Variants in KIAA1755 observed in about 807,000 individuals in gnomAD.
KIAA1755 encodes the protein uncharacterized protein KIAA1755.
A neutral mutation model predicts 91.7 loss-of-function variants in KIAA1755; 68 were observed. The observed-to-expected ratio is 0.74, with a 90% CI of 0.61 to 0.91. KIAA1755 has a LOEUF of 0.91. Ranked by LOEUF, KIAA1755 falls within the 40% of genes least tolerant of loss-of-function variation. The pLI, the probability that KIAA1755 is intolerant of heterozygous loss-of-function variation, is 0.00. For missense variants in KIAA1755, 1,535 were observed against 1,494.4 expected, an observed-to-expected ratio of 1.03 and a Z score of -0.45; for synonymous variants, 610 against 604.6, an observed-to-expected ratio of 1.01 and a Z score of -0.13.
chr20:38,260,039 T>C, intron 1 of KIAA1755: 1 of 330,664 alleles, frequency 3.0e-6, no homozygotes, highest in Non-Finnish European at 5.1e-6. Context: ...CTTTTCACCC[T>C]GGACCCTTAA....
rs140253511 is a variant in KIAA1755, at chr20:38,218,679, C to T, written c.2557-313G>A. Among the ~76,000 whole-genome samples the T allele has an allele frequency of 5.3e-4, 80 of 152,330 alleles. No homozygotes were observed. The East Asian group carries it at 0.011, about 20-fold the overall frequency. ...TCAGGCTACTCTAACCACTCAGAGACGCCGGATCATAAAAGGGGTGGCCTC... is the reference window on the plus strand; with the variant it reads ...TCAGGCTACTCTAACCACTCAGAGATGCCGGATCATAAAAGGGGTGGCCTC... On this transcript the variant is annotated intron_variant, in intron 11 of 13. Transcript: ENST00000279024.
At chr20:38,245,407 G>A (rs1300126665) in intron 2 of KIAA1755, among the ~76,000 whole-genome samples, 1 of 152,208 alleles carries the variant, frequency 6.6e-6, no homozygotes, top group East Asian at 1.9e-4. Context: ...CCTGGTTTGA[G>A]TGAGGATTCT....
Position 38,240,723 on chromosome 20 carries a change from C to T in KIAA1755, c.1408G>A (p.Gly470Arg). 6 of 1,568,958 alleles carry T rather than the reference C, an allele frequency of 3.8e-6. No homozygotes were observed. Among genetic ancestry groups the T allele is most frequent in the Non-Finnish European group, 5.2e-6 (6 of 1,158,420 alleles). ...CCTCTCAAGAATGAGAATTTGAGCC[C>T]AGGAGTGGGGGGCTCAGGGGAGGAG... ...NTSSPEPPTPGLKFSFLRGQR... is the reference protein window; with the variant it reads ...NTSSPEPPTPRLKFSFLRGQR... The change falls in exon 3 of 14, where the codon GGG becomes AGG. Residue 470 changes from glycine (G) to arginine (R), a missense_variant. Transcript: ENST00000279024.
At chr20:38,215,716 G>A (rs577745121) in intron 13 of KIAA1755, among the ~76,000 whole-genome samples, 1 of 152,312 alleles carries the variant, frequency 6.6e-6, no homozygotes, top group South Asian at 2.1e-4. Context: ...GATCGATCCG[G>A]GAAGGCCAGT....
At chr20:38,231,996 G>C (rs1009137005) in intron 4 of KIAA1755, among the ~76,000 whole-genome samples, 2 of 152,204 alleles carry the variant, frequency 1.3e-5, no homozygotes, top group Non-Finnish European at 2.9e-5. Flanking sequence ...GAGTCATGAG[G>C]CTGAGGCTCC....
intron 4 of KIAA1755, among the ~76,000 whole-genome samples, chr20:38,236,384 G>A (rs1430930524): frequency 6.6e-6 from 1 of 152,200 alleles, no homozygotes; most frequent in African/African-American, 2.4e-5. Flanking sequence ...TGTCAGCCTG[G>A]AGAGAGCATT....
chr20:38,222,662 C>T lies in KIAA1755; in HGVS notation c.2269-65G>A, dbSNP rs1017998903. On this transcript the variant is annotated intron_variant, in intron 9 of 13. Coordinates refer to ENST00000279024, the MANE Select transcript of KIAA1755 (RefSeq NM_001029864.2). Reference sequence around the variant, plus strand: ...TCTCCCTCTGCAACCTTCCAAGGCTCCCCACACCCAGATCAAGTCCAACTC... The same window carrying T: ...TCTCCCTCTGCAACCTTCCAAGGCTTCCCACACCCAGATCAAGTCCAACTC... The T allele has an allele frequency of 3.3e-6, 5 of 1,537,944 alleles. No homozygotes were observed. In the Admixed American group the frequency reaches 7.2e-5, roughly 22 times the overall value.
chr20:38,215,130 C>T (rs1411907072), intron 13 of KIAA1755, among the ~76,000 whole-genome samples: 1 of 152,254 alleles, frequency 6.6e-6, no homozygotes, highest in African/African-American at 2.4e-5. Flanking sequence ...CTTGACCTTC[C>T]AGGCTAAGCT....
intron 1 of KIAA1755, among the ~76,000 whole-genome samples, chr20:38,250,485 A>G (rs951253915): frequency 5.0e-5 from 6 of 119,532 alleles, no homozygotes; most frequent in South Asian, 3.1e-4. Context: ...TATTATTATT[A>G]TGGTGTGTGT....
chr20:38,223,460 C>T lies in KIAA1755; in HGVS notation c.2268+78G>A, dbSNP rs1333188803. ...AATGTCCTCCCCCTTTTCCCCAGGC[C>T]GTCCCCTTCTCGAAGCCCTTGGTCC... On this transcript the variant is annotated intron_variant, in intron 9 of 13. Transcript: ENST00000279024. The T allele has an allele frequency of 1.4e-5, 13 of 941,480 alleles. No homozygotes were observed. The Admixed American group carries it at 1.8e-4, about 13-fold the overall frequency. The allele number at this position is 941,480 out of a possible 1,614,324, so 58.3% of individuals were successfully genotyped here.
In KIAA1755 at chr20:38,239,679, G is replaced by C. The variant is rs751348048; in HGVS notation, c.1596C>G (p.Ser532Arg). The C allele has an allele frequency of 9.3e-6, 15 of 1,612,048 alleles. No homozygotes were observed. The highest frequency in any genetic ancestry group is 3.4e-5 in the Admixed American group (2 of 59,690). ...TKTSGPATAPSPLTEEKAALP... is the reference protein window; with the variant it reads ...TKTSGPATAPRPLTEEKAALP... ...AGGCAGCCTTTTCCTCAGTCAGTGG[G>C]CTGGGGGCAGTGGCTGGGCCAGATG... is the stretch of plus-strand genomic sequence containing the variant. The change falls in exon 4 of 14, where the codon AGC (serine) becomes AGG (arginine). Residue 532 changes from serine to arginine, a missense_variant. Transcript: ENST00000279024.
intron 12 of KIAA1755, chr20:38,217,698 A>G: frequency 3.4e-6 from 2 of 586,386 alleles, no homozygotes; most frequent in East Asian, 5.6e-5. Flanking sequence ...GGAAGTCTCC[A>G]GGCCCTCGCC....
rs1372974599 is a variant in KIAA1755 at position 38,250,496 on chromosome 20, G to GTGTGTGTGTGTC, written c.4-4371_4-4370insGACACACACACA. On this transcript the variant is annotated intron_variant, in intron 1 of 13. Transcript: ENST00000279024. ...TTATTATTATTATTATGGTGTGTGT[G>GTGTGTGTGTGTC]TGTGTGTGTGTGTGTCTGTGTGTGT... Among the ~76,000 whole-genome samples the GTGTGTGTGTGTC allele has an allele frequency of 1.8e-3, 246 of 134,878 alleles. 2 individuals are homozygous for GTGTGTGTGTGTC. The highest frequency in any genetic ancestry group is 3.6e-3 in the Middle Eastern group (1 of 276). 88.5% of individuals were successfully genotyped at this position (134,878 alleles called of 152,430 possible). A position where few individuals can be genotyped will look rare whatever the true frequency, so the allele number is the denominator to read the frequency against.
At chr20:38,232,676 A>G (rs1292662115) in intron 4 of KIAA1755, among the ~76,000 whole-genome samples, 1 of 151,966 alleles carries the variant, frequency 6.6e-6, no homozygotes, top group Non-Finnish European at 1.5e-5. Context: ...GTATACATAT[A>G]TATCAATGTT....
chr20:38,224,099 C>T (rs1267936167), intron 8 of KIAA1755, among the ~76,000 whole-genome samples: 1 of 152,178 alleles, frequency 6.6e-6, no homozygotes, highest in African/African-American at 2.4e-5. Flanking sequence ...GTTACTTAAC[C>T]TCTCTGTGTC....
chr20:38,245,027 TC>T (rs1339766140), intron 2 of KIAA1755, among the ~76,000 whole-genome samples: 1 of 152,102 alleles, frequency 6.6e-6, no homozygotes, highest in Non-Finnish European at 1.5e-5. Context: ...CTGCCGGCCT[TC>T]TCATCCTTTT....
In KIAA1755 at chr20:38,217,269, T is replaced by C. The variant is rs754117963; in HGVS notation, c.2885A>G (p.His962Arg). ...RTDLETLLHL[H>R]RFCKRMTWFH... ...GGGGCTCACCCTCTTGCAGAAGCGG[T>C]GCAGGTGGAGCAGCGTCTCGAGGTC... is the stretch of plus-strand genomic sequence containing the variant. Residue 962 changes from histidine to arginine, a missense_variant, in exon 13 of 14, where the codon CAC becomes CGC. Coordinates refer to ENST00000279024, the MANE Select transcript of KIAA1755 (RefSeq NM_001029864.2). 1 of 1,602,238 alleles carries C rather than the reference T, an allele frequency of 6.2e-7. No individual in the cohort carries two copies. The highest frequency in any genetic ancestry group is 2.3e-5 in the East Asian group (1 of 44,438).
intron 9 of KIAA1755, chr20:38,222,970 TC>T: frequency 3.1e-6 from 1 of 324,014 alleles, no homozygotes; most frequent in Non-Finnish European, 5.9e-6. Flanking sequence ...TCGAACTGAA[TC>T]CCAGCCCAAC....
At chr20:38,249,948 T>C (rs1259058628) in intron 1 of KIAA1755, among the ~76,000 whole-genome samples, 1 of 152,172 alleles carries the variant, frequency 6.6e-6, no homozygotes, top group East Asian at 1.9e-4. Flanking sequence ...AGACGTTGGC[T>C]CCAGCCTCTC....
Sources: allele counts gnomAD v4.1 joint callset (sites outside exome capture counted in the v4.1 genomes callset), GRCh38; gene constraint gnomAD v4.1.1; transcripts MANE v1.5; gene names NCBI Gene and HGNC (gene_info 2026-07-23, HGNC 2026-07-21).